Variants in TFDP2 observed in about 807,000 individuals in gnomAD.
TFDP2 encodes the protein transcription factor Dp-2.
In TFDP2, 17 loss-of-function variants were observed where a neutral mutation model predicts 59.3. The observed-to-expected ratio is 0.29, with a 90% CI of 0.20 to 0.43. The LOEUF (loss-of-function observed/expected upper bound fraction) is 0.43. TFDP2 is among the 20% of genes least tolerant of loss of function. TFDP2 has a pLI of 1.00. For missense variants in TFDP2, 391 were observed against 528.8 expected, an observed-to-expected ratio of 0.74 and a Z score of 2.56; for synonymous variants, 180 against 194.7, an observed-to-expected ratio of 0.92 and a Z score of 0.63.
intron 3 of TFDP2, among the ~76,000 whole-genome samples, chr3:142,036,824 C>T (rs952632717): frequency 2.0e-5 from 3 of 152,182 alleles, no homozygotes; most frequent in Non-Finnish European, 4.4e-5. Flanking sequence ...CTCCATTAGT[C>T]ACCCACAATT....
intron 3 of TFDP2, among the ~76,000 whole-genome samples, chr3:142,069,982 T>C (rs1233274813): frequency 6.6e-6 from 1 of 151,902 alleles, no homozygotes; most frequent in Admixed American, 6.6e-5. Flanking sequence ...CTCGGCTCAC[T>C]GCAACCTCCG....
At chr3:142,022,508 C>A (rs2108361724) in intron 3 of TFDP2, among the ~76,000 whole-genome samples, 1 of 152,268 alleles carries the variant, frequency 6.6e-6, no homozygotes, top group East Asian at 1.9e-4. Context: ...AATACACCCA[C>A]CAGATGGCAC....
chr3:142,018,139 T>TC (rs1178938874), intron 3 of TFDP2, among the ~76,000 whole-genome samples: 6 of 151,986 alleles, frequency 3.9e-5, no homozygotes, highest in African/African-American at 1.5e-4. Flanking sequence ...GACAGGGGTC[T>TC]CGTCATGCTG....
intron 3 of TFDP2, among the ~76,000 whole-genome samples, chr3:142,057,464 G>A (rs2108505776): frequency 6.6e-6 from 1 of 152,244 alleles, no homozygotes; most frequent in Admixed American, 6.5e-5. Flanking sequence ...TGCCAACCAA[G>A]AAAATAATTT....
At chr3:142,110,004 A>G (rs543932676) in intron 1 of TFDP2, among the ~76,000 whole-genome samples, 1 of 152,172 alleles carries the variant, frequency 6.6e-6, no homozygotes, top group Admixed American at 6.5e-5. Flanking sequence ...CAGCCTACTC[A>G]GTCGTTGGGA....
chr3:142,020,215 A>C (rs1393015205), intron 3 of TFDP2, among the ~76,000 whole-genome samples: 4 of 152,196 alleles, frequency 2.6e-5, no homozygotes, highest in Non-Finnish European at 5.9e-5. Context: ...TGGATGACTC[A>C]GGGGATATCT....
At chr3:142,016,521 G>A (rs192674770) in intron 3 of TFDP2, among the ~76,000 whole-genome samples, 9 of 151,598 alleles carry the variant, frequency 5.9e-5, no homozygotes, top group African/African-American at 2.2e-4. Flanking sequence ...GGCTGGTCTT[G>A]AACTCCTGAC....
intron 1 of TFDP2, among the ~76,000 whole-genome samples, chr3:142,105,341 C>T (rs559429844): frequency 4.1e-4 from 62 of 152,256 alleles, no homozygotes; most frequent in African/African-American, 1.4e-3. Context: ...AATACTACAT[C>T]GTCAACCTTC....
chr3:142,078,461 A>G (rs1244929266), intron 3 of TFDP2, among the ~76,000 whole-genome samples: 1 of 152,228 alleles, frequency 6.6e-6, no homozygotes, highest in Non-Finnish European at 1.5e-5. Flanking sequence ...TTTGGGAAAA[A>G]GAAAGGAAAG....
chr3:142,145,094 A>G (rs770809824), intron 1 of TFDP2, among the ~76,000 whole-genome samples: 27 of 152,226 alleles, frequency 1.8e-4, no homozygotes, highest in Non-Finnish European at 3.2e-4. Context: ...CTCAAGTAAA[A>G]CAAGCATTGA....
chr3:142,047,869 G>A (rs1193585184), intron 3 of TFDP2, among the ~76,000 whole-genome samples: 1 of 151,436 alleles, frequency 6.6e-6, no homozygotes. Flanking sequence ...AGCCTGCCAA[G>A]TAGCTGGGAT....
chr3:142,104,163 A>G (rs2061402259), intron 1 of TFDP2, among the ~76,000 whole-genome samples: 1 of 152,216 alleles, frequency 6.6e-6, no homozygotes, highest in South Asian at 2.1e-4. Context: ...GTAGTTGTAC[A>G]ATGTCTATTA....
At position 142,114,695 on chromosome 3, in the gene TFDP2, GGGAAA is replaced by G. The variant is rs541875483; in HGVS notation, c.-92-12859_-92-12855del. Among the ~76,000 whole-genome samples the G allele has an allele frequency of 6.2e-3, 943 of 151,606 alleles. 9 individuals carry two copies. The highest frequency in any genetic ancestry group is 7.5e-3 in the Non-Finnish European group (510 of 67,918). ...ACCTTCTTAAAAACACCTTTGGAAA[GGGAAA>G]GGAAAGTTGAATGATGTATGTGCTC... On this transcript the variant is annotated intron_variant, in intron 1 of 12. Coordinates refer to ENST00000489671, the MANE Select transcript of TFDP2 (RefSeq NM_001178139.2).
At chr3:142,130,155 A>G (rs1263668595) in intron 1 of TFDP2, among the ~76,000 whole-genome samples, 1 of 152,156 alleles carries the variant, frequency 6.6e-6, no homozygotes. Context: ...AACCATATTC[A>G]CAGCAGCATT....
rs1935879708 is a variant in TFDP2 at position 141,950,981 on chromosome 3, T to G, written c.*1532A>C. On this transcript the variant is annotated 3_prime_UTR_variant, in exon 13 of 13. Coordinates refer to ENST00000489671, the MANE Select transcript of TFDP2 (RefSeq NM_001178139.2). The stretch of plus-strand genomic sequence containing the variant: ...TTTTTATGGCCTTATTAAACATGTT[T>G]AGCTAGCCAAAGCTTCCTCCTCCTC... 3 of 152,146 alleles carry G rather than the reference T, an allele frequency of 2.0e-5. No homozygotes were observed. Among genetic ancestry groups the G allele is most frequent in the Admixed American group, 6.5e-5 (1 of 15,270 alleles). 9.4% of individuals were successfully genotyped at this position (152,146 alleles called of 1,614,324 possible).
intron 3 of TFDP2, among the ~76,000 whole-genome samples, chr3:142,013,335 A>C (rs1244842044): frequency 3.9e-5 from 6 of 152,196 alleles, no homozygotes; most frequent in Non-Finnish European, 8.8e-5. Context: ...AATAAAAGCC[A>C]CATGTTTAGA....
At chr3:142,059,871 T>G (rs994899261) in intron 3 of TFDP2, among the ~76,000 whole-genome samples, 2 of 151,834 alleles carry the variant, frequency 1.3e-5, no homozygotes, top group Admixed American at 1.3e-4. Context: ...CTTGAGCAAC[T>G]GTGTCCAGCC....
At chr3:142,137,906 ATTCC>A (rs895791233) in intron 1 of TFDP2, among the ~76,000 whole-genome samples, 2 of 152,090 alleles carry the variant, frequency 1.3e-5, no homozygotes, top group African/African-American at 4.8e-5. Flanking sequence ...GTTAGGGAGG[ATTCC>A]TTCCTTTTCT....
intron 1 of TFDP2, among the ~76,000 whole-genome samples, chr3:142,126,990 T>A (rs2062285898): frequency 7.0e-6 from 1 of 143,646 alleles, no homozygotes; most frequent in African/African-American, 2.6e-5. Flanking sequence ...GTTAAAAAGA[T>A]AAAAAAGGAT....
Sources: gnomAD v4.1 joint callset for allele counts (sites outside exome capture counted in the v4.1 genomes callset) on GRCh38, gnomAD v4.1.1 for gene constraint, MANE v1.5 for transcripts, NCBI Gene and HGNC (gene_info 2026-07-23, HGNC 2026-07-21) for gene names.